HIBADH: variants seen among roughly 807,000 people sequenced by gnomAD.
HIBADH encodes the protein 3-hydroxyisobutyrate dehydrogenase, also known as 3-hydroxyisobutyrate dehydrogenase, mitochondrial.
A neutral mutation model predicts 36.1 loss-of-function variants in HIBADH; 25 were observed. The ratio of observed to expected loss-of-function variants is 0.69; its 90% CI spans 0.50 to 0.97. The LOEUF is 0.97. Among genes scored for constraint, HIBADH ranks in the 50% least tolerant of loss-of-function variants. The pLI is 0.00. For synonymous variants in HIBADH, 160 were observed against 149.5 expected (o/e 1.07, Z -0.51); for missense variants, 421 against 418.0 (o/e 1.01, Z -0.06).
At chr7:27,544,454 T>C (rs777673790) in intron 4 of HIBADH, among the ~76,000 whole-genome samples, 13 of 152,224 alleles carry the variant, frequency 8.5e-5, no homozygotes, top group Non-Finnish European at 1.9e-4. Flanking sequence ...TTGGATTATA[T>C]ACAAAAACCC....
intron 4 of HIBADH, among the ~76,000 whole-genome samples, chr7:27,593,454 A>G (rs1262693563): frequency 1.3e-5 from 2 of 152,174 alleles, no homozygotes; most frequent in Non-Finnish European, 2.9e-5. Context: ...CATACTAGAA[A>G]CATAATATTG....
chr7:27,569,721 G>C lies in HIBADH; in HGVS notation c.485-26621C>G, dbSNP rs371869177. On this transcript the variant is annotated intron_variant, in intron 4 of 7. Coordinates refer to ENST00000265395, the MANE Select transcript of HIBADH (RefSeq NM_152740.4). Reference sequence around the variant, plus strand: ...CTGACTAGAAAGTCTTGTACTTCCTGCAACTAGATCTGTCTCTGGGGCCAA... The same window carrying C: ...CTGACTAGAAAGTCTTGTACTTCCTCCAACTAGATCTGTCTCTGGGGCCAA... 5.3e-5 allele frequency among the ~76,000 whole-genome samples: 8 copies of C among 151,680 alleles called. No individual in the cohort carries two copies. The East Asian group carries it at 1.5e-3, about 29-fold the overall frequency.
chr7:27,582,532 C>T lies in HIBADH; in HGVS notation c.485-39432G>A, dbSNP rs78778027. Among the ~76,000 whole-genome samples, 778 of 152,060 alleles carry T rather than the reference C, an allele frequency of 5.1e-3. 3 individuals are homozygous for T. The highest frequency in any genetic ancestry group is 8.3e-3 in the Non-Finnish European group (567 of 67,948). On this transcript the variant is annotated intron_variant, in intron 4 of 7. Transcript: ENST00000265395. The stretch of plus-strand genomic sequence containing the variant: ...ACAGGAACCTAATTTCTGGCTTAGT[C>T]GTAGAATTATTGTAATAGTTCACTC...
chr7:27,538,568 C>A, intron 5 of HIBADH, 151 bp from the exon 6 acceptor site: 1 of 676,412 alleles, frequency 1.5e-6, no homozygotes, highest in Admixed American at 2.2e-5. Context: ...CCTGATGCAG[C>A]ATGGCTCCCT....
intron 2 of HIBADH, among the ~76,000 whole-genome samples, chr7:27,642,655 T>G (rs1346589232): frequency 2.1e-5 from 3 of 142,118 alleles, no homozygotes; most frequent in South Asian, 2.4e-4. Context: ...TTTTTTTTTT[T>G]TTTTTTTTTT....
intron 1 of HIBADH, among the ~76,000 whole-genome samples, chr7:27,652,223 TAG>T (rs1786208224): frequency 6.6e-6 from 1 of 152,200 alleles, no homozygotes; most frequent in African/African-American, 2.4e-5. Flanking sequence ...ATTCTAATTC[TAG>T]AGTCTCCACT....
intron 4 of HIBADH, among the ~76,000 whole-genome samples, chr7:27,597,977 AAAG>A (rs1785058606): frequency 6.6e-6 from 1 of 152,190 alleles, no homozygotes; most frequent in African/African-American, 2.4e-5. Context: ...ATCACCCAAG[AAAG>A]AAGAAAGAAA....
chr7:27,545,690 A>C (rs529819578), intron 4 of HIBADH, among the ~76,000 whole-genome samples: 1 of 152,336 alleles, frequency 6.6e-6, no homozygotes, highest in Non-Finnish European at 1.5e-5. Context: ...GAATACTGAA[A>C]GAAATACTTA....
chr7:27,640,148 A>G (rs1242821827), intron 2 of HIBADH, among the ~76,000 whole-genome samples: 1 of 152,216 alleles, frequency 6.6e-6, no homozygotes. Context: ...AATTTGGAAT[A>G]CAAAGAACAA....
At chr7:27,544,614 C>A (rs1371574069) in intron 4 of HIBADH, among the ~76,000 whole-genome samples, 2 of 152,174 alleles carry the variant, frequency 1.3e-5, no homozygotes, top group Non-Finnish European at 2.9e-5. Context: ...AATTTCTAGA[C>A]ATTTTTATTT....
At chr7:27,636,136 T>A (rs1204594051) in intron 2 of HIBADH, among the ~76,000 whole-genome samples, 2 of 152,244 alleles carry the variant, frequency 1.3e-5, no homozygotes, top group African/African-American at 4.8e-5. Flanking sequence ...CTACACCCCC[T>A]TTTTACATAT....
chr7:27,581,261 T>G (rs1011198119), intron 4 of HIBADH, among the ~76,000 whole-genome samples: 13 of 152,002 alleles, frequency 8.6e-5, no homozygotes, highest in Admixed American at 6.6e-5. Context: ...GCAGAGCAAA[T>G]GAACAGTTGG....
chr7:27,544,099 G>T (rs922133356), intron 4 of HIBADH, among the ~76,000 whole-genome samples: 12 of 152,128 alleles, frequency 7.9e-5, no homozygotes, highest in Non-Finnish European at 1.5e-4. Flanking sequence ...TAAGAACAAA[G>T]AAACTGTAAT....
intron 4 of HIBADH, among the ~76,000 whole-genome samples, chr7:27,565,340 T>A (rs114412263): frequency 6.6e-6 from 1 of 152,144 alleles, no homozygotes; most frequent in East Asian, 1.9e-4. Context: ...CATATGGCCT[T>A]GTGTGGTGTG....
At chr7:27,545,518 C>T (rs893746156) in intron 4 of HIBADH, among the ~76,000 whole-genome samples, 39 of 152,020 alleles carry the variant, frequency 2.6e-4, no homozygotes, top group African/African-American at 4.3e-4. Context: ...TAGAAAGCTG[C>T]GACTCTAAAA....
At chr7:27,622,443 A>T (rs1261247533) in intron 4 of HIBADH, among the ~76,000 whole-genome samples, 1 of 152,164 alleles carries the variant, frequency 6.6e-6, no homozygotes, top group Non-Finnish European at 1.5e-5. Flanking sequence ...AGATCAGAGC[A>T]GAGCTAGATG....
chr7:27,651,161 G>C (rs771516261), intron 1 of HIBADH, among the ~76,000 whole-genome samples: 1 of 152,116 alleles, frequency 6.6e-6, no homozygotes, highest in Non-Finnish European at 1.5e-5. Flanking sequence ...GCTCTTCCCT[G>C]AACTGAATCT....
At chr7:27,586,351 AG>A (rs1032888333) in intron 4 of HIBADH, among the ~76,000 whole-genome samples, 3 of 143,282 alleles carry the variant, frequency 2.1e-5, no homozygotes, top group Admixed American at 6.9e-5. Flanking sequence ...AAAGAGAGAA[AG>A]AGAGACAGGG....
intron 1 of HIBADH, among the ~76,000 whole-genome samples, chr7:27,649,835 AC>A (rs934920739): frequency 1.3e-5 from 2 of 151,896 alleles, no homozygotes; most frequent in Non-Finnish European, 2.9e-5. Flanking sequence ...GAGTTTTAGA[AC>A]AGCCTAGGCA....
Sources: allele counts gnomAD v4.1 joint callset (sites outside exome capture counted in the v4.1 genomes callset), GRCh38; gene constraint gnomAD v4.1.1; transcripts MANE v1.5; gene names NCBI Gene and HGNC (gene_info 2026-07-23, HGNC 2026-07-21).